EML6: variants seen among roughly 807,000 people sequenced by gnomAD.
EML6 encodes EMAP like 6.
A neutral mutation model predicts 240.1 loss-of-function variants in EML6; 154 were observed. The ratio of observed to expected loss-of-function variants is 0.64; its 90% CI spans 0.56 to 0.73. The LOEUF (loss-of-function observed/expected upper bound fraction) is 0.73, where lower values mean the gene tolerates loss of function less well. Ranked by LOEUF, EML6 falls within the 30% of genes least tolerant of loss-of-function variation. The pLI is 0.00. For synonymous variants in EML6, 1,148 were observed against 899.0 expected (o/e 1.28, Z -4.95); for missense variants, 2,964 against 2,474.6 (o/e 1.20, Z -4.20).
chr2:54,832,152 A>T (rs1668903863), intron 7 of EML6, among the ~76,000 whole-genome samples: 2 of 152,206 alleles, frequency 1.3e-5, no homozygotes. Context: ...ATGTACATGT[A>T]GCATCAAAAG....
chr2:54,909,313 A>G (rs1558675853), intron 24 of EML6, among the ~76,000 whole-genome samples: 1 of 152,224 alleles, frequency 6.6e-6, no homozygotes, highest in Non-Finnish European at 1.5e-5. Context: ...ATAATTCTAA[A>G]TAGTCAAAGA....
Position 54,911,147 on chromosome 2 carries a change from A to C in EML6, c.3498+105A>C, listed in dbSNP as rs552634278. Reference sequence around the variant, plus strand: ...ACCACTAATATGGGTTATATTTACTATACCTTTAAGTTTGATCGTGTCTTC... The same window carrying C: ...ACCACTAATATGGGTTATATTTACTCTACCTTTAAGTTTGATCGTGTCTTC... On this transcript the variant is annotated intron_variant, in intron 25 of 41. Coordinates refer to ENST00000356458, the MANE Select transcript of EML6 (RefSeq NM_001039753.4). 7.9e-5 allele frequency: 46 copies of C among 580,248 alleles called. 1 individual carries two copies. The highest frequency in any genetic ancestry group is 1.3e-4 in the Non-Finnish European group (42 of 324,130). The allele number at this position is 580,248 out of a possible 1,614,324, so 35.9% of individuals were successfully genotyped here.
At chr2:54,918,770 G>A (rs1052059956) in intron 26 of EML6, among the ~76,000 whole-genome samples, 1 of 152,166 alleles carries the variant, frequency 6.6e-6, no homozygotes, top group Non-Finnish European at 1.5e-5. Context: ...CTTGGCAAAT[G>A]TCTTGCCTAA....
In EML6 at chr2:54,849,999, G is replaced by T; in HGVS notation, c.1225G>T (p.Glu409Ter). Residue 409 changes from glutamate (E) to a stop codon, truncating the protein, a stop_gained, in exon 10 of 42, where the codon GAA becomes TAA. Transcript: ENST00000356458. LOFTEE classifies it high-confidence loss of function. ...TEVVHIKDRKEVIHEMKFSPD... is the reference protein window; with the variant it reads ...TEVVHIKDRK ...AGTAGTTCACATCAAAGATCGAAAA[G>T]AAGTCATTCATGAAATGAAATTTTC... 3.2e-6 allele frequency: 5 copies of T among 1,551,534 alleles called. No individual in the cohort carries two copies. Among genetic ancestry groups the T allele is most frequent in the Non-Finnish European group, 4.4e-6 (5 of 1,146,800 alleles).
In EML6 at chr2:54,917,371, T is replaced by TG. The variant is rs1673976623; in HGVS notation, c.3675+436_3675+437insG. On this transcript the variant is annotated intron_variant, in intron 26 of 41. Transcript: ENST00000356458. The stretch of plus-strand genomic sequence containing the variant: ...CTTTTTTTTTTTGTTTTTTTTTTTT[T>TG]TTTTGTTTTTTGAGACGGAGTTTCA... Among the ~76,000 whole-genome samples the TG allele has an allele frequency of 3.3e-5, 5 of 150,056 alleles. No homozygotes were observed. The South Asian group carries it at 1.1e-3, about 32-fold the overall frequency.
rs181494961 is a variant in EML6, at chr2:54,756,616, A to G, written c.197+31358A>G. 1.9e-3 allele frequency among the ~76,000 whole-genome samples: 292 copies of G among 151,678 alleles called. 6 individuals are homozygous for G. Among genetic ancestry groups the G allele is most frequent in the Admixed American group, 0.016 (244 of 15,288 alleles). On this transcript the variant is annotated intron_variant, in intron 2 of 41. Coordinates refer to ENST00000356458, the MANE Select transcript of EML6 (RefSeq NM_001039753.4). ...TTTTTAAGTTTATATTTTCCTTTTTATAAATGATGTTCTCAGGAGCATTTT... is the reference window on the plus strand; with the variant it reads ...TTTTTAAGTTTATATTTTCCTTTTTGTAAATGATGTTCTCAGGAGCATTTT...
chr2:54,861,080 T>G (rs1670647018), intron 12 of EML6, among the ~76,000 whole-genome samples: 1 of 152,248 alleles, frequency 6.6e-6, no homozygotes, highest in South Asian at 2.1e-4. Context: ...AGCATACACT[T>G]CCAATGCTAC....
chr2:54,836,295 G>T (rs1669138560), intron 7 of EML6, among the ~76,000 whole-genome samples: 1 of 152,146 alleles, frequency 6.6e-6, no homozygotes, highest in African/African-American at 2.4e-5. Context: ...TTCCTCCCTG[G>T]GTGGGAGGCC....
chr2:54,859,485 T>C (rs1290102693), intron 11 of EML6, 49 bp from the exon 12 acceptor site: 33 of 1,460,288 alleles, frequency 2.3e-5, no homozygotes, highest in Non-Finnish European at 2.9e-5. Context: ...TTTAAACTAA[T>C]GAACTCTTCT....
At chr2:54,752,139 G>T (rs186156447) in intron 2 of EML6, among the ~76,000 whole-genome samples, 2 of 152,036 alleles carry the variant, frequency 1.3e-5, no homozygotes, top group African/African-American at 4.8e-5. Context: ...TAGGTTTGTT[G>T]GGAACCTCAC....
At chr2:54,960,438 C>CA in intron 35 of EML6, 104 bp downstream of exon 35, 1 of 790,824 alleles carries the variant, frequency 1.3e-6, no homozygotes, top group Non-Finnish European at 2.1e-6. Context: ...CTCCTTGAAA[C>CA]AAGGCCTCAA....
intron 16 of EML6, among the ~76,000 whole-genome samples, chr2:54,877,056 C>G (rs145015246): frequency 6.6e-6 from 1 of 151,636 alleles, no homozygotes; most frequent in Non-Finnish European, 1.5e-5. Flanking sequence ...GATCATGGCT[C>G]ACTGCAGCCT....
chr2:54,964,694 C>A lies in EML6; in HGVS notation c.5454C>A (p.Val1818=). Residue 1818 remains valine (V), a synonymous_variant, in exon 38 of 42, where the codon GTC becomes GTA. Coordinates refer to ENST00000356458, the MANE Select transcript of EML6 (RefSeq NM_001039753.4). ...ACTGCAAAGATATCCCAAGCTTTGT[C>A]ATTCAGATGGATTTTTCTGCGGATG... The part of the protein sequence containing the change: ...IGYCKDIPSF[V]IQMDFSADGK... 2 of 1,552,128 alleles carry A rather than the reference C, an allele frequency of 1.3e-6. No homozygotes were observed. Among genetic ancestry groups the A allele is most frequent in the South Asian group, 2.4e-5 (2 of 84,062 alleles).
chr2:54,875,699 G>A (rs1281289652), intron 16 of EML6, among the ~76,000 whole-genome samples: 1 of 152,200 alleles, frequency 6.6e-6, no homozygotes. Context: ...AAGAAGGAAT[G>A]AATTTATATT....
At chr2:54,816,575 T>TG (rs1668091699) in intron 3 of EML6, among the ~76,000 whole-genome samples, 1 of 152,248 alleles carries the variant, frequency 6.6e-6, no homozygotes, top group South Asian at 2.1e-4. Flanking sequence ...ATAAAGGAGC[T>TG]GTAGCTCTTA....
intron 28 of EML6, among the ~76,000 whole-genome samples, chr2:54,934,588 T>A (rs139488515): frequency 2.0e-5 from 3 of 152,272 alleles, no homozygotes; most frequent in Non-Finnish European, 4.4e-5. Context: ...CTGGCTCTGT[T>A]GCCCAGAGTG....
chr2:54,849,381 G>C (rs746904478), intron 9 of EML6, among the ~76,000 whole-genome samples: 1 of 152,190 alleles, frequency 6.6e-6, no homozygotes, highest in East Asian at 1.9e-4. Context: ...TCACACTGCA[G>C]TTTGTGCCCA....
intron 23 of EML6, 42 bp downstream of exon 23, chr2:54,903,238 G>A (rs957066419): frequency 6.5e-7 from 1 of 1,535,824 alleles, no homozygotes; most frequent in South Asian, 1.2e-5. Context: ...GCACAGTCTT[G>A]GGACAAAAAA....
intron 2 of EML6, among the ~76,000 whole-genome samples, chr2:54,791,344 T>C (rs1251005966): frequency 6.6e-6 from 1 of 152,228 alleles, no homozygotes; most frequent in Non-Finnish European, 1.5e-5. Flanking sequence ...GCCTACATTC[T>C]GTCCAGTTTG....
Sources: allele counts gnomAD v4.1 joint callset (sites outside exome capture counted in the v4.1 genomes callset), GRCh38; gene constraint gnomAD v4.1.1; transcripts MANE v1.5; gene names NCBI Gene and HGNC (gene_info 2026-07-23, HGNC 2026-07-21).